Variants in SLC36A1 observed in about 807,000 individuals in gnomAD.
SLC36A1 encodes solute carrier family 36 member 1.
Under a neutral mutation model 47.5 loss-of-function variants are expected in SLC36A1, and 30 were observed. The ratio of observed to expected loss-of-function variants is 0.63; its 90% confidence interval spans 0.47 to 0.86. SLC36A1 has a LOEUF of 0.86. Among genes scored for constraint, SLC36A1 ranks in the 40% least tolerant of loss-of-function variants. The probability of loss-of-function intolerance (pLI) is 0.00; values close to 1 mark genes in which losing one functional copy is unlikely to be tolerated. For synonymous variants in SLC36A1, 255 were observed against 249.7 expected (o/e 1.02, Z -0.20); for missense variants, 517 against 606.0 (o/e 0.85, Z 1.54).
chr5:151,476,884 C>A (rs927864710), intron 9 of SLC36A1, 128 bp downstream of exon 9: 3 of 1,165,230 alleles, frequency 2.6e-6, no homozygotes, highest in Admixed American at 2.0e-5. Flanking sequence ...CCATCCCCTG[C>A]CACTGCCAGC....
the SLC36A1 span, among the ~76,000 whole-genome samples, chr5:151,410,851 T>C: frequency 7.6e-5 from 11 of 144,558 alleles, 2 homozygotes; most frequent in African/African-American, 2.5e-4. Context: ...AATTCTTGGT[T>C]GGGAGGGACT....
At chr5:151,347,139 C>G in the SLC36A1 span, among the ~76,000 whole-genome samples, 3 of 152,212 alleles carry the variant, frequency 2.0e-5, no homozygotes, top group African/African-American at 7.2e-5. Context: ...GCCTTTACTT[C>G]TGCCTCAGCT....
chr5:151,456,099 T>C (rs1754459931), intron 1 of SLC36A1, among the ~76,000 whole-genome samples: 2 of 152,216 alleles, frequency 1.3e-5, no homozygotes, highest in Non-Finnish European at 2.9e-5. Context: ...GTTTCTTTTC[T>C]TTCTCACAAG....
the SLC36A1 span, among the ~76,000 whole-genome samples, chr5:151,409,895 T>C: frequency 6.6e-6 from 1 of 152,212 alleles, no homozygotes; most frequent in African/African-American, 2.4e-5. Context: ...GAATCTGTTA[T>C]TAAGCAAAAT....
At chr5:151,407,380 C>T in the SLC36A1 span, among the ~76,000 whole-genome samples, 5 of 151,596 alleles carry the variant, frequency 3.3e-5, no homozygotes, top group African/African-American at 7.3e-5. Context: ...CTGATTGGTG[C>T]GTTTACAAAC....
At chr5:151,373,350 A>G in the SLC36A1 span, among the ~76,000 whole-genome samples, 1 of 152,176 alleles carries the variant, frequency 6.6e-6, no homozygotes, top group Non-Finnish European at 1.5e-5. Context: ...TAGACACATC[A>G]TATTCAAACT....
At chr5:151,520,084 A>G in the SLC36A1 span, among the ~76,000 whole-genome samples, 3 of 152,366 alleles carry the variant, frequency 2.0e-5, no homozygotes, top group East Asian at 5.8e-4. Flanking sequence ...CCTCTCCCCA[A>G]CAGAGAGAAG....
At chr5:151,553,202 G>A in the SLC36A1 span, 428 of 1,614,246 alleles carry the variant, frequency 2.7e-4, no homozygotes, top group Middle Eastern at 2.0e-3. Flanking sequence ...AGAAGAGTCC[G>A]GGTCTGCCCT....
the SLC36A1 span, among the ~76,000 whole-genome samples, chr5:151,394,379 A>T: frequency 6.6e-6 from 1 of 152,110 alleles, no homozygotes; most frequent in Non-Finnish European, 1.5e-5. Context: ...AAGTTTGATC[A>T]TCTGAAGCCT....
intron 1 of SLC36A1, among the ~76,000 whole-genome samples, chr5:151,449,823 G>T (rs1262202529): frequency 6.6e-6 from 1 of 152,240 alleles, no homozygotes; most frequent in Non-Finnish European, 1.5e-5. Context: ...AGATTGTTGG[G>T]TAGAGGGTTG....
At chr5:151,551,441 A>G in the SLC36A1 span, 6 of 1,611,144 alleles carry the variant, frequency 3.7e-6, no homozygotes, top group Admixed American at 1.7e-5. Flanking sequence ...CTCTCAATAC[A>G]GGGGTCCCCA....
At chr5:151,493,042 T>C (rs1425489379), downstream of SLC36A1, among the ~76,000 whole-genome samples, 1 of 152,228 alleles carries the variant, frequency 6.6e-6, no homozygotes. Flanking sequence ...ATATATCTCC[T>C]ACTGGCTTTG....
chr5:151,536,383 A>T, the SLC36A1 span, among the ~76,000 whole-genome samples: 75,994 of 151,850 alleles, frequency 0.5, 19,180 homozygotes, highest in East Asian at 0.72. Flanking sequence ...TTCCTGCGAC[A>T]CCCTTCTCCC....
the SLC36A1 span, among the ~76,000 whole-genome samples, chr5:151,421,176 C>T: frequency 1.2e-5 from 1 of 81,882 alleles, no homozygotes; most frequent in Non-Finnish European, 2.7e-5. Flanking sequence ...CCCTTTCTCT[C>T]CTTCCTTCCT....
chr5:151,346,166 C>T, the SLC36A1 span, among the ~76,000 whole-genome samples: 1 of 152,244 alleles, frequency 6.6e-6, no homozygotes, highest in African/African-American at 2.4e-5. Context: ...ACACAAGAGA[C>T]AGGTGGTTCC....
the SLC36A1 span, chr5:151,506,152 C>G: frequency 6.7e-7 from 1 of 1,487,074 alleles, no homozygotes; most frequent in East Asian, 2.3e-5. Context: ...AAGGTTTCAG[C>G]TGGCTCTATA....
the SLC36A1 span, chr5:151,553,093 CAGA>C: frequency 1.1e-5 from 15 of 1,401,240 alleles, 1 homozygote; most frequent in African/African-American, 1.6e-4. Context: ...TGAGAAGAGT[CAGA>C]AGGACTGTAG....
chr5:151,391,291 G>C, the SLC36A1 span, among the ~76,000 whole-genome samples: 2 of 151,846 alleles, frequency 1.3e-5, no homozygotes, highest in Non-Finnish European at 2.9e-5. Context: ...TTATCAGCTT[G>C]AGATTTTGGG....
chr5:151,553,271 G>A, the SLC36A1 span: 1 of 1,614,268 alleles, frequency 6.2e-7, no homozygotes, highest in Admixed American at 1.7e-5. Flanking sequence ...CCGTAAAGCT[G>A]TAGTAGGTCT....
Sources: gnomAD v4.1 joint callset for allele counts (sites outside exome capture counted in the v4.1 genomes callset) on GRCh38, gnomAD v4.1.1 for gene constraint, MANE v1.5 for transcripts, NCBI Gene and HGNC (gene_info 2026-07-23, HGNC 2026-07-21) for gene names.